MOCOS: variants seen among roughly 807,000 people sequenced by gnomAD.
MOCOS encodes the protein molybdenum cofactor sulfurase, also known as human molybdenum cofactor sulfurase.
In MOCOS, 86 loss-of-function variants were observed where a neutral mutation model predicts 83.6. The ratio of observed to expected loss-of-function variants is 1.03; its 90% CI spans 0.86 to 1.23. MOCOS has a LOEUF of 1.23. Among genes scored for constraint, MOCOS ranks in the 50% most tolerant of loss-of-function variants. MOCOS has a pLI of 0.00. For missense variants in MOCOS, 1,120 were observed against 1,126.9 expected (o/e 0.99, Z 0.09); for synonymous variants, 445 against 434.7 (o/e 1.02, Z -0.29).
At chr18:36,219,537 G>C (rs1330021060) in intron 8 of MOCOS, among the ~76,000 whole-genome samples, 1 of 152,026 alleles carries the variant, frequency 6.6e-6, no homozygotes, top group Non-Finnish European at 1.5e-5. Flanking sequence ...AACTTAGCCG[G>C]GCATGGTGGC....
At chr18:36,241,655 A>G (rs1007162412) in intron 9 of MOCOS, among the ~76,000 whole-genome samples, 2 of 152,178 alleles carry the variant, frequency 1.3e-5, no homozygotes, top group African/African-American at 4.8e-5. Context: ...CTCCAATTTC[A>G]CATTACCCAT....
rs180963442 is a variant in MOCOS at position 36,199,521 on chromosome 18, G to A, written c.300-162G>A. Among the ~76,000 whole-genome samples the A allele has an allele frequency of 5.9e-5, 9 of 152,324 alleles. No homozygotes were observed. The South Asian group carries it at 6.2e-4, about 11-fold the overall frequency. ...AAGAGGATTTTGCCAACTGGAACTC[G>A]TTCCCACGGCTTCCATTGCCCTCGC... On this transcript the variant is annotated intron_variant, in intron 3 of 14. Transcript: ENST00000261326.
At chr18:36,189,070 C>T (rs2091355032) in intron 1 of MOCOS, among the ~76,000 whole-genome samples, 1 of 151,032 alleles carries the variant, frequency 6.6e-6, no homozygotes, top group African/African-American at 2.4e-5. Flanking sequence ...TATATCAGCA[C>T]CGCACCTCCT....
intron 13 of MOCOS, 105 bp from the exon 14 acceptor site, chr18:36,266,644 T>G: frequency 4.3e-6 from 4 of 930,520 alleles, no homozygotes. Flanking sequence ...ACGTTCTGGC[T>G]CTCCATAGTT....
At chr18:36,199,454 C>T (rs2091402633) in intron 3 of MOCOS, among the ~76,000 whole-genome samples, 1 of 152,190 alleles carries the variant, frequency 6.6e-6, no homozygotes, top group Non-Finnish European at 1.5e-5. Flanking sequence ...GATTTTTTGT[C>T]ATACATATCC....
chr18:36,247,921 A>G (rs1158983855), intron 9 of MOCOS, among the ~76,000 whole-genome samples: 1 of 152,058 alleles, frequency 6.6e-6, no homozygotes, highest in Non-Finnish European at 1.5e-5. Flanking sequence ...TCTCCTATCC[A>G]CTGTTCTTTT....
intron 11 of MOCOS, among the ~76,000 whole-genome samples, chr18:36,255,117 G>A (rs1400573563): frequency 4.6e-5 from 7 of 152,234 alleles, no homozygotes; most frequent in African/African-American, 1.7e-4. Context: ...AAAAATTAGC[G>A]AAAATGAGCC....
At chr18:36,264,099 C>T (rs1002502353) in intron 13 of MOCOS, among the ~76,000 whole-genome samples, 1 of 152,058 alleles carries the variant, frequency 6.6e-6, no homozygotes, top group Non-Finnish European at 1.5e-5. Flanking sequence ...CGCTTGAACA[C>T]AGGAGGTGGA....
Position 36,271,367 on chromosome 18 carries a change from T to C in MOCOS, c.*2682T>C, listed in dbSNP as rs1025529742. 3.9e-5 allele frequency: 6 copies of C among 152,146 alleles called. No homozygotes were observed. The highest frequency in any genetic ancestry group is 7.4e-5 in the Non-Finnish European group (5 of 68,016). The allele number at this position is 152,146 out of a possible 1,614,324, so 9.4% of individuals were successfully genotyped here. ...TTGAATATTAATTAAATATATTTTATTAATTTAAAATGAATTTTAAATGCA... is the reference window on the plus strand; with the variant it reads ...TTGAATATTAATTAAATATATTTTACTAATTTAAAATGAATTTTAAATGCA... On this transcript the variant is annotated 3_prime_UTR_variant, in exon 15 of 15. Transcript: ENST00000261326.
chr18:36,264,507 T>C (rs1480026057), intron 13 of MOCOS, among the ~76,000 whole-genome samples: 2 of 152,152 alleles, frequency 1.3e-5, no homozygotes, highest in Non-Finnish European at 1.5e-5. Context: ...TCGTGTATAA[T>C]AGTGATAGTT....
rs1196854985 is a variant in MOCOS at position 36,269,032 on chromosome 18, C to T, written c.*347C>T. On this transcript the variant is annotated 3_prime_UTR_variant, in exon 15 of 15. Transcript: ENST00000261326. The stretch of plus-strand genomic sequence containing the variant: ...GCGGGTCCCTATTTTGCCATTTTCT[C>T]ACATTGTTACTTTGTTTTTAGAGAG... The T allele has an allele frequency of 3.3e-6, 1 of 302,360 alleles. No homozygotes were observed. 18.7% of individuals were successfully genotyped at this position (302,360 alleles called of 1,614,324 possible).
Position 36,271,675 on chromosome 18 carries a change from A to G in MOCOS, c.*2990A>G, listed in dbSNP as rs1054415914. On this transcript the variant is annotated 3_prime_UTR_variant, in exon 15 of 15. Transcript: ENST00000261326. ...TAAAAAAACTTGGTGAGAACAGACA[A>G]TAACTTGTCTTTCTGGGCATTCGCG... The G allele has an allele frequency of 3.9e-5, 6 of 152,206 alleles. No individual in the cohort carries two copies. Among genetic ancestry groups the G allele is most frequent in the Non-Finnish European group, 8.8e-5 (6 of 68,040 alleles). 9.4% of individuals were successfully genotyped at this position (152,206 alleles called of 1,614,324 possible).
At chr18:36,199,387 C>A in intron 3 of MOCOS, among the ~76,000 whole-genome samples, 1 of 152,178 alleles carries the variant, frequency 6.6e-6, no homozygotes, top group East Asian at 1.9e-4. Flanking sequence ...TATGTTAGAG[C>A]TGAGCAGAAA....
intron 9 of MOCOS, among the ~76,000 whole-genome samples, chr18:36,242,332 C>T (rs933227340): frequency 3.3e-5 from 5 of 152,230 alleles, no homozygotes; most frequent in Admixed American, 6.5e-5. Flanking sequence ...TTCCTCATCT[C>T]TATCTGAGAC....
intron 6 of MOCOS, among the ~76,000 whole-genome samples, chr18:36,207,043 CTGTT>C (rs1237923260): frequency 3.9e-5 from 6 of 152,058 alleles, no homozygotes; most frequent in South Asian, 2.1e-4. Context: ...AATGGTAGCT[CTGTT>C]TGTTTGTTTG....
At chr18:36,205,382 C>A (rs1311646050) in intron 6 of MOCOS, 106 bp downstream of exon 6, 6 of 1,151,028 alleles carry the variant, frequency 5.2e-6, no homozygotes, top group East Asian at 2.3e-5. Context: ...GGCCACCAGG[C>A]CCTCAGCCAC....
At chr18:36,218,699 T>C (rs1303014512) in intron 8 of MOCOS, among the ~76,000 whole-genome samples, 1 of 151,888 alleles carries the variant, frequency 6.6e-6, no homozygotes, top group African/African-American at 2.4e-5. Flanking sequence ...TTTTCATTTT[T>C]TTTAGAGACA....
intron 9 of MOCOS, among the ~76,000 whole-genome samples, chr18:36,223,233 T>C (rs1361530581): frequency 6.6e-6 from 1 of 152,230 alleles, no homozygotes; most frequent in African/African-American, 2.4e-5. Context: ...GATCTTGTGC[T>C]TAAATCTCTA....
At chr18:36,223,670 G>T (rs1431156607) in intron 9 of MOCOS, among the ~76,000 whole-genome samples, 1 of 152,170 alleles carries the variant, frequency 6.6e-6, no homozygotes, top group Non-Finnish European at 1.5e-5. Context: ...TGAATCTGCG[G>T]ATTGCTTTGG....
Sources: allele counts gnomAD v4.1 joint callset (sites outside exome capture counted in the v4.1 genomes callset), GRCh38; gene constraint gnomAD v4.1.1; transcripts MANE v1.5; gene names NCBI Gene and HGNC (gene_info 2026-07-23, HGNC 2026-07-21).